The following RNLS variants were observed in gnomAD, a reference collection of about 807,000 sequenced individuals.
RNLS encodes renalase, FAD dependent amine oxidase.
A neutral mutation model predicts 39.8 loss-of-function variants in RNLS; 39 were observed. The observed-to-expected ratio is 0.98, with a 90% CI of 0.76 to 1.28. The LOEUF is 1.28. RNLS is among the 50% of genes most tolerant of loss of function. The pLI is 0.00. For missense variants in RNLS, 410 were observed against 413.3 expected, an observed-to-expected ratio of 0.99 and a Z score of 0.07; for synonymous variants, 147 against 150.7, an observed-to-expected ratio of 0.98 and a Z score of 0.18.
At chr10:88,287,740 TGAAGGAG>T (rs1843376073) in intron 6 of RNLS, among the ~76,000 whole-genome samples, 3 of 152,054 alleles carry the variant, frequency 2.0e-5, no homozygotes, top group Admixed American at 2.0e-4. Flanking sequence ...AGAGAGCATG[TGAAGGAG>T]GAACTGTCAA....
At chr10:88,579,375 T>G (rs1280373126) in intron 3 of RNLS, among the ~76,000 whole-genome samples, 1 of 151,662 alleles carries the variant, frequency 6.6e-6, no homozygotes, top group Non-Finnish European at 1.5e-5. Context: ...AAAGCTAGAG[T>G]GATAGTTTTA....
At chr10:88,430,782 G>C (rs1855089256) in intron 4 of RNLS, among the ~76,000 whole-genome samples, 1 of 151,620 alleles carries the variant, frequency 6.6e-6, no homozygotes, top group South Asian at 2.1e-4. Flanking sequence ...TTTTAATATG[G>C]TGAGTTAAAT....
At chr10:88,329,271 T>C (rs1248836915) in intron 5 of RNLS, among the ~76,000 whole-genome samples, 4 of 152,048 alleles carry the variant, frequency 2.6e-5, no homozygotes. Context: ...CCAGGTGGTC[T>C]TGAACTCCTG....
chr10:88,371,523 A>G, intron 4 of RNLS, among the ~76,000 whole-genome samples: 1 of 152,188 alleles, frequency 6.6e-6, no homozygotes, highest in South Asian at 2.1e-4. Flanking sequence ...AAAAATTAAC[A>G]TACATTGTGG....
At chr10:88,462,053 TA>T (rs1350356229) in intron 4 of RNLS, among the ~76,000 whole-genome samples, 1 of 152,074 alleles carries the variant, frequency 6.6e-6, no homozygotes, top group Admixed American at 6.6e-5. Context: ...TGTTGCCCTA[TA>T]AATTAAGTAT....
At chr10:88,407,108 C>T (rs1331984450) in intron 4 of RNLS, among the ~76,000 whole-genome samples, 4 of 151,684 alleles carry the variant, frequency 2.6e-5, no homozygotes, top group Non-Finnish European at 4.4e-5. Flanking sequence ...GTACACTGCT[C>T]AGATGATAGG....
At chr10:88,359,495 T>C (rs1436069673) in intron 5 of RNLS, among the ~76,000 whole-genome samples, 1 of 152,232 alleles carries the variant, frequency 6.6e-6, no homozygotes, top group African/African-American at 2.4e-5. Flanking sequence ...TTTTACGTTA[T>C]GAAATGCCAT....
intron 6 of RNLS, among the ~76,000 whole-genome samples, chr10:88,276,113 T>C (rs891637746): frequency 3.3e-5 from 5 of 152,112 alleles, no homozygotes; most frequent in African/African-American, 1.2e-4. Flanking sequence ...ATAAAACAGA[T>C]GGACTTTAGT....
chr10:88,343,158 C>T (rs552446557), intron 5 of RNLS, among the ~76,000 whole-genome samples: 2 of 152,142 alleles, frequency 1.3e-5, no homozygotes, highest in African/African-American at 2.4e-5. Context: ...GTGGCATGAA[C>T]AGATGTGTGC....
chr10:88,278,774 C>T (rs1017222937), intron 6 of RNLS, among the ~76,000 whole-genome samples: 2 of 152,090 alleles, frequency 1.3e-5, no homozygotes, highest in Non-Finnish European at 2.9e-5. Flanking sequence ...GAATAGAAAC[C>T]ACATAAAGCA....
At chr10:88,187,832 T>G in the RNLS span, among the ~76,000 whole-genome samples, 1 of 152,266 alleles carries the variant, frequency 6.6e-6, no homozygotes, top group Admixed American at 6.5e-5. Flanking sequence ...TATTTCTTAC[T>G]TTCTGACTCT....
At chr10:88,356,066 A>C (rs1195995754) in intron 5 of RNLS, among the ~76,000 whole-genome samples, 1 of 152,156 alleles carries the variant, frequency 6.6e-6, no homozygotes, top group East Asian at 1.9e-4. Context: ...AGACCATTGG[A>C]AAAGAGCAGT....
chr10:88,277,286 G>A (rs1325355479), intron 6 of RNLS, among the ~76,000 whole-genome samples: 2 of 151,986 alleles, frequency 1.3e-5, no homozygotes, highest in African/African-American at 4.8e-5. Context: ...AAGAACACTT[G>A]GACACAGGGC....
At chr10:88,477,996 T>G (rs948800650) in intron 4 of RNLS, among the ~76,000 whole-genome samples, 1 of 152,218 alleles carries the variant, frequency 6.6e-6, no homozygotes, top group African/African-American at 2.4e-5. Context: ...CTATTTCAGA[T>G]AGATTAACAT....
At chr10:88,212,513 C>A in the RNLS span, among the ~76,000 whole-genome samples, 2 of 152,192 alleles carry the variant, frequency 1.3e-5, no homozygotes, top group African/African-American at 4.8e-5. Context: ...TTTGCTCATA[C>A]TTTTAATCAT....
At chr10:88,479,603 C>T (rs907828420) in intron 4 of RNLS, among the ~76,000 whole-genome samples, 5 of 152,016 alleles carry the variant, frequency 3.3e-5, no homozygotes, top group Non-Finnish European at 5.9e-5. Context: ...TAAGCAAAGA[C>T]GACCTTGAAC....
rs139757367 is a variant in RNLS at position 88,526,102 on chromosome 10, C to T, written c.526+46801G>A. On this transcript the variant is annotated intron_variant, in intron 4 of 6. Coordinates refer to ENST00000331772, the MANE Select transcript of RNLS (RefSeq NM_001031709.3). ...CTTCATCTTCACAATCTTACAGTGG[C>T]CATAGCATCTCAACTACTGCAAATA... Among the ~76,000 whole-genome samples, 471 of 152,016 alleles carry T rather than the reference C, an allele frequency of 3.1e-3. 7 individuals carry two copies. Among genetic ancestry groups the T allele is most frequent in the Non-Finnish European group, 5.4e-3 (365 of 67,980 alleles).
chr10:88,573,266 C>G (rs987172534), intron 3 of RNLS, among the ~76,000 whole-genome samples: 1 of 152,148 alleles, frequency 6.6e-6, no homozygotes. Flanking sequence ...CCTATCAGTG[C>G]CTGCTCTGAA....
At chr10:88,256,879 G>C in the RNLS span, among the ~76,000 whole-genome samples, 1 of 152,102 alleles carries the variant, frequency 6.6e-6, no homozygotes, top group Non-Finnish European at 1.5e-5. Flanking sequence ...ATCTCGAATA[G>C]TTCCTCCTTC....
Sources: gnomAD v4.1 joint callset for allele counts (sites outside exome capture counted in the v4.1 genomes callset) on GRCh38, gnomAD v4.1.1 for gene constraint, MANE v1.5 for transcripts, NCBI Gene and HGNC (gene_info 2026-07-23, HGNC 2026-07-21) for gene names.